Variants in TUBB8 observed in about 807,000 individuals in gnomAD.
TUBB8 encodes the protein tubulin beta-8 chain.
A neutral mutation model predicts 33.7 loss-of-function variants in TUBB8; 25 were observed. The ratio of observed to expected loss-of-function variants is 0.74; its 90% confidence interval spans 0.54 to 1.04. The LOEUF (loss-of-function observed/expected upper bound fraction) is 1.04, where lower values mean the gene tolerates loss of function less well. TUBB8 is among the 50% of genes least tolerant of loss of function. TUBB8 has a pLI of 0.00. For synonymous variants in TUBB8, 245 were observed against 240.1 expected (o/e 1.02, Z -0.19); for missense variants, 279 against 608.0 (o/e 0.46, Z 5.69).
intron 1 of TUBB8, among the ~76,000 whole-genome samples, chr10:72,831 G>C (rs1834755729): frequency 6.7e-6 from 1 of 148,434 alleles, no homozygotes; most frequent in South Asian, 2.1e-4. Context: ...CAGCCTGGGA[G>C]ACAGAGCGAC....
chr10:48,368 AG>A (rs1554738701), intron 3 of TUBB8: 1 of 630,856 alleles, frequency 1.6e-6, no homozygotes, highest in East Asian at 2.7e-5. Flanking sequence ...CAGGAAAGGC[AG>A]TAGCCACGGC....
chr10:62,525 G>A (rs1564210288), intron 1 of TUBB8, among the ~76,000 whole-genome samples: 1 of 152,090 alleles, frequency 6.6e-6, no homozygotes, highest in Non-Finnish European at 1.5e-5. Context: ...TGAGATTTTT[G>A]CACACCATAA....
chr10:54,753 G>A (rs575147562), intron 1 of TUBB8, among the ~76,000 whole-genome samples: 184 of 149,242 alleles, frequency 1.2e-3, no homozygotes, highest in Non-Finnish European at 8.8e-4. Flanking sequence ...AACTGAGACT[G>A]GGTTATTTAT....
intron 1 of TUBB8, among the ~76,000 whole-genome samples, chr10:60,759 G>A (rs1215229298): frequency 2.0e-5 from 3 of 152,090 alleles, no homozygotes; most frequent in Non-Finnish European, 2.9e-5. Flanking sequence ...TCATGCTGCT[G>A]TAAAGACATA....
intron 1 of TUBB8, among the ~76,000 whole-genome samples, chr10:72,127 A>G (rs1834744734): frequency 6.6e-6 from 1 of 151,770 alleles, no homozygotes; most frequent in African/African-American, 2.4e-5. Context: ...CAGGAGGCTG[A>G]GGTAGGAGAA....
rs1834351987 is a variant in TUBB8 at position 47,279 on chromosome 10, A to T, written c.1113T>A (p.Asn371Lys). The T allele has an allele frequency of 6.2e-7, 1 of 1,613,854 alleles. No homozygotes were observed. The highest frequency in any genetic ancestry group is 1.3e-5 in the African/African-American group (1 of 75,040). The part of the protein sequence containing the change: ...LKMSATFIGN[N>K]TAIQELFKRV... ...GCTTGAAGAGTTCCTGGATGGCCGT[A>T]TTATTCCCAATGAAGGTGGCTGACA... The change falls in exon 4 of 4, where the codon AAT becomes AAA. Residue 371 changes from asparagine (N) to lysine (K), a missense_variant. Transcript: ENST00000568584.
Position 47,257 on chromosome 10 carries a change from T to C in TUBB8, c.1135A>G (p.Lys379Glu). The C allele has an allele frequency of 6.2e-7, 1 of 1,610,166 alleles. No homozygotes were observed. Among genetic ancestry groups the C allele is most frequent in the Non-Finnish European group, 8.5e-7 (1 of 1,179,878 alleles). Reference protein sequence around the residue: ...GNNTAIQELFKRVSEQFTAMF... With the variant: ...GNNTAIQELFERVSEQFTAMF... The stretch of plus-strand genomic sequence containing the variant: ...GCTGTAAACTGCTCTGAGACACGCT[T>C]GAAGAGTTCCTGGATGGCCGTATTA... Residue 379 changes from lysine (K) to glutamate (E), a missense_variant, in exon 4 of 4, where the codon AAG (lysine) becomes GAG (glutamate). Around this residue, in one of 4 missense-constraint regions of TUBB8, gnomAD observed 123 missense variants for 228.9 expected, o/e 0.54. Transcript: ENST00000568584.
intron 1 of TUBB8, among the ~76,000 whole-genome samples, chr10:64,507 CCCTCA>C: frequency 6.6e-6 from 1 of 151,992 alleles, no homozygotes; most frequent in Admixed American, 6.5e-5. Context: ...CTCACCCTCA[CCCTCA>C]CCCTAACCCT....
At position 48,620 on chromosome 10, in the gene TUBB8, A is replaced by G; in HGVS notation, c.272T>C (p.Ile91Thr). 6.2e-7 allele frequency: 1 copy of G among 1,612,290 alleles called. No individual in the cohort carries two copies. Among genetic ancestry groups the G allele is most frequent in the Non-Finnish European group, 8.5e-7 (1 of 1,179,704 alleles). The change falls in exon 3 of 4, where the codon ATC (isoleucine) becomes ACC (threonine). Residue 91 changes from isoleucine (I) to threonine (T), a missense_variant. Ile to Thr is a moderately conservative substitution (Grantham distance 89, BLOSUM62 -1). Coordinates refer to ENST00000568584, the MANE Select transcript of TUBB8 (RefSeq NM_177987.3). ...AGTCCTCGCCCGCAGCTCACCGAAGATGAAGTTGTCTGGCCTGAAGACCTG... is the reference window on the plus strand; with the variant it reads ...AGTCCTCGCCCGCAGCTCACCGAAGGTGAAGTTGTCTGGCCTGAAGACCTG... ...FGQVFRPDNF[I>T]FGQCGAGNNW...
chr10:53,688 T>C (rs1271874260), upstream of TUBB8, among the ~76,000 whole-genome samples: 2 of 152,264 alleles, frequency 1.3e-5, no homozygotes, highest in African/African-American at 4.8e-5. Context: ...CAGGGTTCCC[T>C]GCAGGGACTG....
chr10:55,997 A>AT (rs1378092057), intron 1 of TUBB8, among the ~76,000 whole-genome samples: 10 of 152,094 alleles, frequency 6.6e-5, no homozygotes, highest in East Asian at 1.9e-4. Flanking sequence ...TATATTTCAG[A>AT]TTTTTTTTCT....
chr10:67,556 C>A (rs1324464805), intron 1 of TUBB8, among the ~76,000 whole-genome samples: 1 of 152,184 alleles, frequency 6.6e-6, no homozygotes, highest in African/African-American at 2.4e-5. Flanking sequence ...TCCCAAGTAG[C>A]TAGGATTACA....
intron 1 of TUBB8, among the ~76,000 whole-genome samples, chr10:68,416 C>T (rs1382947937): frequency 2.0e-5 from 3 of 152,170 alleles, no homozygotes; most frequent in Admixed American, 2.0e-4. Flanking sequence ...TATGACACCC[C>T]TAAGACTCAT....
intron 1 of TUBB8, among the ~76,000 whole-genome samples, chr10:60,420 A>C (rs1183648432): frequency 1.3e-5 from 2 of 152,234 alleles, no homozygotes; most frequent in Non-Finnish European, 2.9e-5. Context: ...GGCAAAGGAC[A>C]TGAACAGACA....
At position 47,822 on chromosome 10, in the gene TUBB8, G is replaced by A; in HGVS notation, c.570C>T (p.His190=). The A allele has an allele frequency of 1.2e-6, 2 of 1,614,256 alleles. No homozygotes were observed. Among genetic ancestry groups the A allele is most frequent in the Non-Finnish European group, 1.7e-6 (2 of 1,180,050 alleles). The change falls in exon 4 of 4, where the codon CAC becomes CAT. Residue 190 remains histidine, a synonymous_variant. Transcript: ENST00000568584. ...VEPYNATLSV[H]QLIENADETF... Reference sequence around the variant, plus strand: ...TCTCATCTGCGTTTTCTATGAGCTGGTGGACTGAGAGGGTGGCGTTGTAGG... The same window carrying A: ...TCTCATCTGCGTTTTCTATGAGCTGATGGACTGAGAGGGTGGCGTTGTAGG...
At chr10:71,609 G>A (rs1236270200) in intron 1 of TUBB8, among the ~76,000 whole-genome samples, 2 of 149,004 alleles carry the variant, frequency 1.3e-5, no homozygotes, top group African/African-American at 5.0e-5. Context: ...AAGAAAAAGT[G>A]AAAATCTGTC....
intron 1 of TUBB8, among the ~76,000 whole-genome samples, chr10:68,384 G>T (rs1243927907): frequency 8.5e-5 from 13 of 152,114 alleles, no homozygotes; most frequent in Admixed American, 8.5e-4. Context: ...CTGAAATACT[G>T]ATATGACGCC....
chr10:58,010 G>T (rs1834554942), intron 1 of TUBB8, among the ~76,000 whole-genome samples: 1 of 152,216 alleles, frequency 6.6e-6, no homozygotes, highest in Non-Finnish European at 1.5e-5. Flanking sequence ...AGCATAGGTT[G>T]TTAGAAGCAG....
intron 1 of TUBB8, among the ~76,000 whole-genome samples, chr10:65,586 G>A (rs149641399): frequency 2.6e-3 from 391 of 152,242 alleles, no homozygotes; most frequent in African/African-American, 8.4e-3. Context: ...TTAGCCAGGC[G>A]TGGTGGCGGG....
Sources: allele counts gnomAD v4.1 joint callset (sites outside exome capture counted in the v4.1 genomes callset), GRCh38; gene constraint gnomAD v4.1.1; regional missense constraint gnomAD v4.1.1; transcripts MANE v1.5; gene names NCBI Gene and HGNC (gene_info 2026-07-23, HGNC 2026-07-21).